BEND6: variants seen among roughly 807,000 people sequenced by gnomAD.
The protein encoded by BEND6 is BEN domain-containing protein 6.
Under a neutral mutation model 31.8 loss-of-function variants are expected in BEND6, and 24 were observed. The observed-to-expected ratio is 0.75, with a 90% CI of 0.55 to 1.06. The LOEUF (loss-of-function observed/expected upper bound fraction) is 1.06. Ranked by LOEUF, BEND6 falls within the 50% of genes least tolerant of loss-of-function variation. The pLI, the probability that BEND6 is intolerant of heterozygous loss-of-function variation, is 0.00. For synonymous variants in BEND6, 109 were observed against 114.6 expected, an observed-to-expected ratio of 0.95 and a Z score of 0.31; for missense variants, 294 against 327.4, an observed-to-expected ratio of 0.90 and a Z score of 0.79.
intron 1 of BEND6, among the ~76,000 whole-genome samples, chr6:56,980,023 C>G (rs780655379): frequency 6.6e-6 from 1 of 152,202 alleles, no homozygotes; most frequent in Non-Finnish European, 1.5e-5. Flanking sequence ...TAAACATTCT[C>G]CACTGTGTGA....
At chr6:57,023,458 T>A (rs1690576032) in intron 6 of BEND6, among the ~76,000 whole-genome samples, 1 of 152,222 alleles carries the variant, frequency 6.6e-6, no homozygotes, top group South Asian at 2.1e-4. Context: ...TGGTTCCCAG[T>A]TGCATCACGT....
At position 56,960,178 on chromosome 6, in the gene BEND6, A is replaced by G. The variant is rs551880116; in HGVS notation, c.-101+4718A>G. Among the ~76,000 whole-genome samples the G allele has an allele frequency of 5.9e-5, 9 of 152,354 alleles. No homozygotes were observed. In the South Asian group the frequency reaches 1.7e-3, roughly 28 times the overall value. On this transcript the variant is annotated intron_variant, in intron 1 of 6. Transcript: ENST00000370746. ...TCATTTGGCCAGAAAATTTACTCAT[A>G]GTTGTATGAACTGCCAATGGAAAAT...
In BEND6 at chr6:56,966,353, C is replaced by T. The variant is rs186148470; in HGVS notation, c.-101+10893C>T. 2.1e-3 allele frequency among the ~76,000 whole-genome samples: 318 copies of T among 152,252 alleles called. 1 individual carries two copies. The highest frequency in any genetic ancestry group is 7.4e-3 in the African/African-American group (307 of 41,534). On this transcript the variant is annotated intron_variant, in intron 1 of 6. Coordinates refer to ENST00000370746, the MANE Select transcript of BEND6 (RefSeq NM_152731.3). The stretch of plus-strand genomic sequence containing the variant: ...CTGACCTAAGATGATCCGCCTGCCT[C>T]GGCCTCCCAAAGTGCTAGGATTACA...
chr6:56,985,510 A>C (rs1304418741), intron 2 of BEND6, among the ~76,000 whole-genome samples: 1 of 152,182 alleles, frequency 6.6e-6, no homozygotes, highest in Non-Finnish European at 1.5e-5. Context: ...TAATAGAAGA[A>C]GGAGAATACA....
At chr6:57,012,675 T>A (rs1376709) in intron 3 of BEND6, among the ~76,000 whole-genome samples, 151,858 of 152,328 alleles carry the variant, frequency 1, 75,700 homozygotes, top group Middle Eastern at 1. Context: ...AAAAAGAGCC[T>A]TGATACAATG....
At chr6:56,975,921 T>G (rs1411042896) in intron 1 of BEND6, 1 of 531,974 alleles carries the variant, frequency 1.9e-6, no homozygotes, top group Non-Finnish European at 3.8e-6. Context: ...ATTCCTCCAG[T>G]GGTGAGGAAG....
intron 3 of BEND6, among the ~76,000 whole-genome samples, chr6:56,994,533 G>A (rs1826632294): frequency 6.8e-6 from 1 of 146,098 alleles, no homozygotes; most frequent in African/African-American, 2.5e-5. Flanking sequence ...CGACTTTGCT[G>A]TAAAACTTTG....
intron 2 of BEND6, among the ~76,000 whole-genome samples, chr6:56,985,252 T>G (rs1443400382): frequency 1.3e-5 from 2 of 152,182 alleles, no homozygotes; most frequent in Non-Finnish European, 2.9e-5. Flanking sequence ...GTACTCAATT[T>G]TGGACTAGTT....
At chr6:56,975,890 T>A in intron 1 of BEND6, 2 of 527,180 alleles carry the variant, frequency 3.8e-6, no homozygotes, top group East Asian at 1.0e-4. Context: ...ACTTGCAGGT[T>A]CAACAATAAC....
chr6:56,992,803 G>A (rs1208828909), intron 3 of BEND6, among the ~76,000 whole-genome samples: 1 of 152,098 alleles, frequency 6.6e-6, no homozygotes, highest in Non-Finnish European at 1.5e-5. Context: ...TCATTTAATA[G>A]TTTTTAAGAG....
chr6:57,020,854 T>A (rs1482274096), intron 6 of BEND6, among the ~76,000 whole-genome samples: 1 of 151,258 alleles, frequency 6.6e-6, no homozygotes, highest in South Asian at 2.1e-4. Flanking sequence ...TTTTTTTTTT[T>A]AATATTTCTG....
At position 56,974,184 on chromosome 6, in the gene BEND6, C is replaced by T. The variant is rs149197536; in HGVS notation, c.-100-7527C>T. Among the ~76,000 whole-genome samples, 31 of 152,062 alleles carry T rather than the reference C, an allele frequency of 2.0e-4. 1 individual carries two copies. In the East Asian group the frequency reaches 3.9e-3, roughly 19 times the overall value. ...GAGTAGAGTACTGTTTTTAATTTGT[C>T]GGTAATATGTGCGGTAATGTAAGTC... is the stretch of plus-strand genomic sequence containing the variant. On this transcript the variant is annotated intron_variant, in intron 1 of 6. Coordinates refer to ENST00000370746, the MANE Select transcript of BEND6 (RefSeq NM_152731.3).
intron 1 of BEND6, chr6:56,976,152 G>A (rs536293011): frequency 4.9e-6 from 1 of 203,844 alleles, no homozygotes; most frequent in African/African-American, 2.4e-5. Context: ...ATCAGTGCAT[G>A]CCAATCATGC....
At chr6:56,982,958 A>G (rs761370953) in intron 2 of BEND6, among the ~76,000 whole-genome samples, 2 of 152,010 alleles carry the variant, frequency 1.3e-5, no homozygotes, top group South Asian at 4.1e-4. Flanking sequence ...TGTATTTTTT[A>G]CAGCTCCATG....
At chr6:57,000,594 A>C (rs1293930298) in intron 3 of BEND6, among the ~76,000 whole-genome samples, 4 of 152,024 alleles carry the variant, frequency 2.6e-5, no homozygotes, top group East Asian at 3.9e-4. Flanking sequence ...AACAAAAAAA[A>C]AAAACCATAA....
intron 3 of BEND6, among the ~76,000 whole-genome samples, chr6:57,011,864 G>A (rs549526226): frequency 1.4e-4 from 22 of 152,096 alleles, no homozygotes; most frequent in African/African-American, 4.1e-4. Flanking sequence ...GGTGGCTCAC[G>A]CCTGTAATCC....
chr6:57,023,260 T>G (rs1286485869), intron 6 of BEND6, among the ~76,000 whole-genome samples: 1 of 152,210 alleles, frequency 6.6e-6, no homozygotes, highest in East Asian at 1.9e-4. Context: ...AATCTGTCTC[T>G]CCCTTTAGAT....
At chr6:56,959,913 C>T (rs1222810130) in intron 1 of BEND6, among the ~76,000 whole-genome samples, 1 of 152,102 alleles carries the variant, frequency 6.6e-6, no homozygotes, top group Admixed American at 6.6e-5. Context: ...CTGCCGAAGC[C>T]ATGATAATTC....
At chr6:56,973,655 AG>A (rs1451870282) in intron 1 of BEND6, among the ~76,000 whole-genome samples, 1 of 152,232 alleles carries the variant, frequency 6.6e-6, no homozygotes, top group African/African-American at 2.4e-5. Flanking sequence ...TAGTGTATAC[AG>A]TGTGGATACG....
Sources: allele counts gnomAD v4.1 joint callset (sites outside exome capture counted in the v4.1 genomes callset), GRCh38; gene constraint gnomAD v4.1.1; transcripts MANE v1.5; gene names NCBI Gene and HGNC (gene_info 2026-07-23, HGNC 2026-07-21).